The following LOC400499 variants were observed in gnomAD, a reference collection of about 807,000 sequenced individuals.
At chr16:11,446,190 C>G in the LOC400499 span, among the ~76,000 whole-genome samples, 1 of 151,902 alleles carries the variant, frequency 6.6e-6, no homozygotes, top group Non-Finnish European at 1.5e-5. Flanking sequence ...GCTCTGTTGC[C>G]CAGGCTGGAA....
At chr16:11,508,793 T>A in the LOC400499 span, 1 of 399,068 alleles carries the variant, frequency 2.5e-6, no homozygotes, top group Non-Finnish European at 4.4e-6. Flanking sequence ...TGGGATGGTG[T>A]CTCCTCCCAC....
At chr16:11,512,166 C>T in the LOC400499 span, among the ~76,000 whole-genome samples, 3 of 152,142 alleles carry the variant, frequency 2.0e-5, no homozygotes, top group Admixed American at 2.0e-4. Flanking sequence ...CCTGTAATCT[C>T]AGCTACTCAG....
chr16:11,521,704 C>G, the LOC400499 span, among the ~76,000 whole-genome samples: 1 of 152,196 alleles, frequency 6.6e-6, no homozygotes, highest in Non-Finnish European at 1.5e-5. Context: ...ACTCCCCCAA[C>G]CTGCCCTAAA....
At chr16:11,508,915 A>T in the LOC400499 span, 1 of 398,626 alleles carries the variant, frequency 2.5e-6, no homozygotes. Context: ...TGAGCTAGAA[A>T]GCCCTCTGGG....
chr16:11,374,706 C>G, the LOC400499 span, among the ~76,000 whole-genome samples: 1 of 152,054 alleles, frequency 6.6e-6, no homozygotes, highest in Non-Finnish European at 1.5e-5. Context: ...ATGGAGAGAC[C>G]ACATTTATCT....
chr16:11,522,898 G>A, the LOC400499 span, among the ~76,000 whole-genome samples: 3 of 152,184 alleles, frequency 2.0e-5, no homozygotes, highest in African/African-American at 4.8e-5. Context: ...AGAGAGGTCT[G>A]TAATTATCCA....
the LOC400499 span, chr16:11,450,878 G>C: frequency 6.9e-7 from 1 of 1,449,558 alleles, no homozygotes; most frequent in Non-Finnish European, 9.3e-7. Context: ...GCTTCTAGCA[G>C]GCAGCTGGAG....
chr16:11,405,377 T>G, the LOC400499 span, among the ~76,000 whole-genome samples: 1 of 152,062 alleles, frequency 6.6e-6, no homozygotes, highest in Non-Finnish European at 1.5e-5. Flanking sequence ...TCCTGGCCCT[T>G]AAGGGGCTCC....
chr16:11,462,475 G>T, the LOC400499 span: 2 of 977,852 alleles, frequency 2.0e-6, no homozygotes, highest in Non-Finnish European at 2.4e-6. Context: ...TGTCTCCCAA[G>T]CTGGAGTGCA....
At chr16:11,497,719 T>G in the LOC400499 span, among the ~76,000 whole-genome samples, 4 of 94,562 alleles carry the variant, frequency 4.2e-5, no homozygotes, top group Non-Finnish European at 1.2e-4. Context: ...ACCCAGTTGG[T>G]TCTGTGTATG....
chr16:11,467,409 A>T, the LOC400499 span, among the ~76,000 whole-genome samples: 1 of 151,818 alleles, frequency 6.6e-6, no homozygotes, highest in Non-Finnish European at 1.5e-5. Flanking sequence ...CAAGAGTTTG[A>T]GACCAGCCTG....
the LOC400499 span, chr16:11,500,788 G>C: frequency 3.0e-5 from 12 of 399,128 alleles, no homozygotes; most frequent in African/African-American, 2.3e-4. Context: ...GCCCCGGGTG[G>C]GGTGCAGGGA....
chr16:11,405,832 G>T, the LOC400499 span, among the ~76,000 whole-genome samples: 1 of 152,122 alleles, frequency 6.6e-6, no homozygotes, highest in Non-Finnish European at 1.5e-5. Flanking sequence ...GCTTCTAGTA[G>T]CAGATAGAAC....
At chr16:11,422,092 C>T in the LOC400499 span, among the ~76,000 whole-genome samples, 1 of 152,230 alleles carries the variant, frequency 6.6e-6, no homozygotes, top group Non-Finnish European at 1.5e-5. Flanking sequence ...CCAATGCACA[C>T]AGGTTTATCA....
chr16:11,373,869 C>T, the LOC400499 span, among the ~76,000 whole-genome samples: 2 of 152,150 alleles, frequency 1.3e-5, no homozygotes, highest in African/African-American at 4.8e-5. Context: ...ATCTGCCCGC[C>T]TCGGCCTCCC....
At chr16:11,406,641 G>A in the LOC400499 span, among the ~76,000 whole-genome samples, 3 of 152,140 alleles carry the variant, frequency 2.0e-5, no homozygotes, top group African/African-American at 2.4e-5. Context: ...CATGTTGGCC[G>A]TGCTGGTCTC....
chr16:11,448,861 G>A, the LOC400499 span: 29 of 1,321,270 alleles, frequency 2.2e-5, no homozygotes, highest in Middle Eastern at 2.8e-4. Context: ...AGAGAGGTAG[G>A]AAACCGAGGT....
chr16:11,372,150 C>T, the LOC400499 span: 2 of 152,358 alleles, frequency 1.3e-5, no homozygotes, highest in South Asian at 4.1e-4. Context: ...CAGAGGCCCT[C>T]CCCAGGGTCC....
At chr16:11,452,200 T>A in the LOC400499 span, among the ~76,000 whole-genome samples, 40 of 107,902 alleles carry the variant, frequency 3.7e-4, no homozygotes, top group East Asian at 7.8e-3. Context: ...TCAGTTTTTT[T>A]GTTTGTTTTT....
Sources: allele counts gnomAD v4.1 joint callset (sites outside exome capture counted in the v4.1 genomes callset), GRCh38; gene constraint gnomAD v4.1.1; transcripts MANE v1.5.